Variants in ME3 observed in about 807,000 individuals in gnomAD.
ME3 encodes malic enzyme 3.
ME3 carries 48 observed loss-of-function variants against 68.9 expected under a neutral mutation model. That is an observed-to-expected ratio of 0.70 (90% CI 0.55 to 0.89). ME3 has a LOEUF of 0.89. Ranked by LOEUF, ME3 falls within the 40% of genes least tolerant of loss-of-function variation. The pLI is 0.00. For missense variants in ME3, 675 were observed against 797.4 expected (o/e 0.85, Z 1.85); for synonymous variants, 320 against 318.8 (o/e 1.00, Z -0.04).
intron 4 of ME3, 87 bp from the exon 5 acceptor site, chr11:86,508,954 A>T: frequency 9.1e-7 from 1 of 1,101,522 alleles, no homozygotes; most frequent in Non-Finnish European, 1.4e-6. Context: ...GTATTGCATT[A>T]ATTAAATTTG....
intron 2 of ME3, among the ~76,000 whole-genome samples, chr11:86,665,279 G>GGA (rs1027901481): frequency 1.4e-4 from 21 of 152,178 alleles, no homozygotes; most frequent in African/African-American, 4.8e-4. Flanking sequence ...ATACTATGGG[G>GGA]GAAAGCAGGA....
At chr11:86,556,435 G>T in intron 4 of ME3, 118 bp downstream of exon 4, 2 of 1,222,898 alleles carry the variant, frequency 1.6e-6, no homozygotes, top group Non-Finnish European at 2.2e-6. Flanking sequence ...TCTTTTTGTT[G>T]GACCACTGAC....
intron 10 of ME3, among the ~76,000 whole-genome samples, chr11:86,449,087 T>G (rs1435077718): frequency 6.6e-6 from 1 of 152,198 alleles, no homozygotes; most frequent in Admixed American, 6.5e-5. Context: ...TATGGAACAA[T>G]AGGAAGCTCA....
At chr11:86,478,696 A>G (rs954675764) in intron 7 of ME3, among the ~76,000 whole-genome samples, 6 of 152,246 alleles carry the variant, frequency 3.9e-5, no homozygotes, top group Non-Finnish European at 7.3e-5. Flanking sequence ...TTAATAAAAT[A>G]TTGAGCAGAA....
At chr11:86,670,550 G>A (rs770293091) in intron 2 of ME3, among the ~76,000 whole-genome samples, 6 of 152,278 alleles carry the variant, frequency 3.9e-5, no homozygotes, top group Admixed American at 6.5e-5. Context: ...AAGTGGTAGC[G>A]TCCAAACAAT....
At chr11:86,653,546 A>G (rs1478666836) in intron 2 of ME3, among the ~76,000 whole-genome samples, 1 of 152,246 alleles carries the variant, frequency 6.6e-6, no homozygotes, top group Non-Finnish European at 1.5e-5. Context: ...TTTGAAACCA[A>G]TGAGAACAAA....
chr11:86,613,597 A>G (rs886380292), intron 2 of ME3, among the ~76,000 whole-genome samples: 1 of 152,212 alleles, frequency 6.6e-6, no homozygotes, highest in Admixed American at 6.5e-5. Flanking sequence ...AAACTCCTTA[A>G]ACTTATAAGC....
chr11:86,611,370 A>C (rs1938934), intron 2 of ME3, among the ~76,000 whole-genome samples: 1,822 of 152,250 alleles, frequency 0.012, 37 homozygotes, highest in East Asian at 0.1. Flanking sequence ...TCTAATGTAC[A>C]GTATGGTGAC....
At chr11:86,477,766 T>A (rs1463906641) in intron 7 of ME3, among the ~76,000 whole-genome samples, 2 of 152,098 alleles carry the variant, frequency 1.3e-5, no homozygotes, top group Non-Finnish European at 2.9e-5. Flanking sequence ...ACTCACTCAA[T>A]TATGCAGTCT....
chr11:86,593,018 T>C (rs1397883206), intron 2 of ME3, among the ~76,000 whole-genome samples: 1 of 152,156 alleles, frequency 6.6e-6, no homozygotes, highest in Non-Finnish European at 1.5e-5. Context: ...CAGACCCCTC[T>C]GCATGGGGTT....
intron 4 of ME3, among the ~76,000 whole-genome samples, chr11:86,550,955 G>T (rs1043073620): frequency 6.6e-6 from 1 of 151,886 alleles, no homozygotes; most frequent in Non-Finnish European, 1.5e-5. Flanking sequence ...ATGTCCCAGG[G>T]GTCCCTCTGG....
chr11:86,652,619 A>G (rs1378390713), intron 2 of ME3, among the ~76,000 whole-genome samples: 5 of 152,122 alleles, frequency 3.3e-5, no homozygotes, highest in African/African-American at 4.8e-5. Flanking sequence ...AGGAACAACC[A>G]GTACCAGCCA....
At chr11:86,477,362 A>AATG (rs1951138311) in intron 7 of ME3, among the ~76,000 whole-genome samples, 1 of 1,372 alleles carries the variant, frequency 7.3e-4, no homozygotes, top group African/African-American at 1.9e-3. Context: ...AAATAAAGTG[A>AATG]ATAGTACCTA....
Position 86,655,548 on chromosome 11 carries a change from T to G in ME3, c.183+16214A>C, listed in dbSNP as rs962019911. ...GCTGGGAAAACTGGCTAGCCATATG[T>G]AGAAAGCTGAAACTGGATCGCTTCC... On this transcript the variant is annotated intron_variant, in intron 2 of 14. Transcript: ENST00000543262. 1.1e-3 allele frequency among the ~76,000 whole-genome samples: 174 copies of G among 152,228 alleles called. 2 individuals carry two copies. The highest frequency in any genetic ancestry group is 1.7e-3 in the Non-Finnish European group (117 of 67,962).
chr11:86,564,756 C>T lies in ME3; in HGVS notation c.184-4933G>A, dbSNP rs768764170. ...TCCAAAACCATAAAACAGAAGAAAA[C>T]GGGTAAATCTTTCTGATCTTGGATT... On this transcript the variant is annotated intron_variant, in intron 2 of 14. Transcript: ENST00000543262. Among the ~76,000 whole-genome samples, 9 of 151,970 alleles carry T rather than the reference C, an allele frequency of 5.9e-5. No homozygotes were observed. In the South Asian group the frequency reaches 1.0e-3, roughly 18 times the overall value.
At chr11:86,598,485 GC>G (rs1214134437) in intron 2 of ME3, among the ~76,000 whole-genome samples, 1 of 152,194 alleles carries the variant, frequency 6.6e-6, no homozygotes, top group Non-Finnish European at 1.5e-5. Flanking sequence ...GCTCAAGGAG[GC>G]CTGCCTGCCT....
intron 7 of ME3, among the ~76,000 whole-genome samples, chr11:86,478,335 A>T (rs2138853591): frequency 6.6e-6 from 1 of 151,980 alleles, no homozygotes; most frequent in Non-Finnish European, 1.5e-5. Flanking sequence ...AAAAAAAAAA[A>T]AAAAAAAAAA....
chr11:86,570,770 C>T (rs1029442531), intron 2 of ME3, among the ~76,000 whole-genome samples: 2 of 152,170 alleles, frequency 1.3e-5, no homozygotes, highest in Admixed American at 6.5e-5. Context: ...CCATGTATGA[C>T]GTACACAGAA....
At chr11:86,442,433 A>G (rs773164758) in intron 14 of ME3, among the ~76,000 whole-genome samples, 1 of 152,214 alleles carries the variant, frequency 6.6e-6, no homozygotes, top group Non-Finnish European at 1.5e-5. Context: ...GATTGGGCCA[A>G]TATTATACCA....
Sources: allele counts gnomAD v4.1 joint callset (sites outside exome capture counted in the v4.1 genomes callset), GRCh38; gene constraint gnomAD v4.1.1; transcripts MANE v1.5; gene names NCBI Gene and HGNC (gene_info 2026-07-23, HGNC 2026-07-21).